TBCK: variants seen among roughly 807,000 people sequenced by gnomAD.
TBCK encodes TBC domain-containing protein kinase-like protein.
In TBCK, 99 loss-of-function variants were observed where a neutral mutation model predicts 113.4. The observed-to-expected ratio is 0.87, with a 90% CI of 0.74 to 1.03. The LOEUF (loss-of-function observed/expected upper bound fraction) is 1.03, where lower values mean the gene tolerates loss of function less well. TBCK is among the 50% of genes least tolerant of loss of function. The probability of loss-of-function intolerance (pLI) is 0.00; values close to 1 mark genes in which losing one functional copy is unlikely to be tolerated. For synonymous variants in TBCK, 369 were observed against 370.8 expected (o/e 1.00, Z 0.05); for missense variants, 1,045 against 1,061.3 (o/e 0.98, Z 0.21).
rs1579277767 is a variant in TBCK, at chr4:106,216,673, G to C, written c.1775-3838C>G. 5.3e-5 allele frequency among the ~76,000 whole-genome samples: 8 copies of C among 152,174 alleles called. No homozygotes were observed. In the South Asian group the frequency reaches 1.5e-3, roughly 28 times the overall value. On this transcript the variant is annotated intron_variant, in intron 19 of 25. Transcript: ENST00000394708. ...TCTCCCAAGACTAAACCAGGAAGAA[G>C]TTCAATCTCTGAATAGACCAATAAC...
At chr4:106,277,900 T>A (rs1298702481) in intron 3 of TBCK, among the ~76,000 whole-genome samples, 1 of 152,336 alleles carries the variant, frequency 6.6e-6, no homozygotes, top group East Asian at 1.9e-4. Flanking sequence ...GTTAGTTGTA[T>A]ACATGCTAAA....
At chr4:106,120,109 G>A (rs1010056978) in intron 23 of TBCK, among the ~76,000 whole-genome samples, 7 of 152,258 alleles carry the variant, frequency 4.6e-5, no homozygotes, top group East Asian at 1.9e-4. Context: ...ATGGGTGCGC[G>A]CACCGTGCGC....
intron 20 of TBCK, among the ~76,000 whole-genome samples, chr4:106,196,028 G>A (rs1038152867): frequency 6.6e-6 from 1 of 151,830 alleles, no homozygotes; most frequent in African/African-American, 2.4e-5. Context: ...CTCAATAAAA[G>A]GTATTATGAA....
At chr4:106,196,966 G>A (rs1338367886) in intron 20 of TBCK, among the ~76,000 whole-genome samples, 1 of 152,074 alleles carries the variant, frequency 6.6e-6, no homozygotes, top group Admixed American at 6.6e-5. Context: ...TTCTGCTTCT[G>A]ACCAAGGTGG....
intron 3 of TBCK, among the ~76,000 whole-genome samples, chr4:106,266,721 A>AT (rs991155627): frequency 5.3e-5 from 8 of 151,882 alleles, no homozygotes; most frequent in Non-Finnish European, 8.8e-5. Flanking sequence ...TCAGAATTTG[A>AT]TTTTTTAATT....
chr4:106,246,601 C>T (rs2150047880), intron 10 of TBCK, among the ~76,000 whole-genome samples: 1 of 152,126 alleles, frequency 6.6e-6, no homozygotes, highest in South Asian at 2.1e-4. Flanking sequence ...CTAGCCACTC[C>T]TTAAGGGCAA....
intron 25 of TBCK, among the ~76,000 whole-genome samples, chr4:106,047,004 T>G (rs1734292751): frequency 6.6e-6 from 1 of 152,176 alleles, no homozygotes; most frequent in Admixed American, 6.5e-5. Flanking sequence ...TCCACTTCTG[T>G]TCCCAGTCCT....
intron 20 of TBCK, among the ~76,000 whole-genome samples, chr4:106,206,250 A>G: frequency 6.6e-6 from 1 of 152,194 alleles, no homozygotes; most frequent in East Asian, 1.9e-4. Flanking sequence ...GGTAATGCAA[A>G]TGAGGATTTA....
chr4:106,066,099 T>A (rs1578791718), intron 25 of TBCK, among the ~76,000 whole-genome samples: 1 of 152,190 alleles, frequency 6.6e-6, no homozygotes, highest in South Asian at 2.1e-4. Flanking sequence ...TCACATGGCT[T>A]CTGATTATAT....
chr4:106,119,597 G>C (rs1743999423), intron 23 of TBCK, among the ~76,000 whole-genome samples: 1 of 152,166 alleles, frequency 6.6e-6, no homozygotes, highest in African/African-American at 2.4e-5. Context: ...CAGGACACTG[G>C]TCTGGGAAAT....
chr4:106,083,835 C>G (rs1217590195), intron 25 of TBCK, among the ~76,000 whole-genome samples: 10 of 152,080 alleles, frequency 6.6e-5, no homozygotes. Flanking sequence ...ACTGCAGCAG[C>G]CCTACAGAAG....
chr4:106,308,631 G>A, intron 2 of TBCK, 137 bp downstream of exon 2: 3 of 772,264 alleles, frequency 3.9e-6, no homozygotes, highest in Non-Finnish European at 2.0e-6. Context: ...AGGCAGGGTG[G>A]GGGAAAAGGA....
intron 20 of TBCK, among the ~76,000 whole-genome samples, chr4:106,200,617 T>A (rs566637451): frequency 6.6e-5 from 10 of 152,228 alleles, no homozygotes; most frequent in East Asian, 1.9e-4. Context: ...CTTTTTTTTT[T>A]AAATTAGAAC....
At chr4:106,300,960 A>C (rs1297473258) in intron 2 of TBCK, among the ~76,000 whole-genome samples, 1 of 151,994 alleles carries the variant, frequency 6.6e-6, no homozygotes, top group Admixed American at 6.6e-5. Context: ...ATAAATAATA[A>C]ATAAATATGA....
chr4:106,227,359 AC>A (rs201800643), intron 19 of TBCK, among the ~76,000 whole-genome samples: 34 of 147,020 alleles, frequency 2.3e-4, no homozygotes, highest in African/African-American at 8.5e-4. Context: ...TGCTGAAAAA[AC>A]AAATGTTTTT....
chr4:106,164,939 A>AT (rs1361314147), intron 23 of TBCK, among the ~76,000 whole-genome samples: 1 of 151,780 alleles, frequency 6.6e-6, no homozygotes, highest in Non-Finnish European at 1.5e-5. Context: ...AAATGCTATC[A>AT]TTTTTATGGT....
chr4:106,301,600 T>C (rs1412764223), intron 2 of TBCK, among the ~76,000 whole-genome samples: 3 of 152,192 alleles, frequency 2.0e-5, no homozygotes, highest in Non-Finnish European at 4.4e-5. Context: ...GAAAATATTA[T>C]CATCTTTGAT....
At chr4:106,072,565 T>C (rs1578811970) in intron 25 of TBCK, among the ~76,000 whole-genome samples, 1 of 152,158 alleles carries the variant, frequency 6.6e-6, no homozygotes, top group African/African-American at 2.4e-5. Context: ...AATCCGAAAA[T>C]TATGTGTGTT....
chr4:106,226,091 G>C (rs1758216163), intron 19 of TBCK, among the ~76,000 whole-genome samples: 1 of 152,136 alleles, frequency 6.6e-6, no homozygotes, highest in African/African-American at 2.4e-5. Context: ...TTGAGCACAG[G>C]AGGTGGAGGT....
Sources: gnomAD v4.1 joint callset for allele counts (sites outside exome capture counted in the v4.1 genomes callset) on GRCh38, gnomAD v4.1.1 for gene constraint, MANE v1.5 for transcripts, NCBI Gene and HGNC (gene_info 2026-07-23, HGNC 2026-07-21) for gene names.